FRAS1: variants seen among roughly 807,000 people sequenced by gnomAD.
FRAS1 encodes the protein extracellular matrix organizing protein FRAS1.
A neutral mutation model predicts 435.2 loss-of-function variants in FRAS1; 290 were observed. The ratio of observed to expected loss-of-function variants is 0.67; its 90% CI spans 0.61 to 0.73. The LOEUF (loss-of-function observed/expected upper bound fraction) is 0.73, where lower values mean the gene tolerates loss of function less well. FRAS1 is among the 30% of genes least tolerant of loss of function. The pLI is 0.00. For synonymous variants in FRAS1, 1,800 were observed against 1,851.0 expected (o/e 0.97, Z 0.71); for missense variants, 4,860 against 5,001.5 (o/e 0.97, Z 0.85).
chr4:78,165,304 G>A (rs970484783), intron 2 of FRAS1, among the ~76,000 whole-genome samples: 2 of 152,130 alleles, frequency 1.3e-5, no homozygotes, highest in Non-Finnish European at 2.9e-5. Flanking sequence ...TGAAAAGGTC[G>A]AACGAATTTA....
At chr4:78,361,715 AT>A (rs754353315) in intron 20 of FRAS1, among the ~76,000 whole-genome samples, 21 of 152,148 alleles carry the variant, frequency 1.4e-4, no homozygotes, top group Non-Finnish European at 1.3e-4. Flanking sequence ...ACCAACATGG[AT>A]TTTCTAGAAA....
At chr4:78,270,128 G>T (rs955492605) in intron 9 of FRAS1, among the ~76,000 whole-genome samples, 2 of 152,316 alleles carry the variant, frequency 1.3e-5, no homozygotes, top group Admixed American at 6.5e-5. Context: ...TAATTGGAGT[G>T]AACTCCCCAC....
At chr4:78,244,517 A>G (rs1161616615) in intron 3 of FRAS1, among the ~76,000 whole-genome samples, 1 of 152,104 alleles carries the variant, frequency 6.6e-6, no homozygotes, top group Non-Finnish European at 1.5e-5. Context: ...TTCACTCCAT[A>G]TTTTTAACAA....
chr4:78,241,142 G>A (rs1724986260), intron 3 of FRAS1, among the ~76,000 whole-genome samples: 1 of 152,158 alleles, frequency 6.6e-6, no homozygotes, highest in Non-Finnish European at 1.5e-5. Flanking sequence ...GAGCTTGACT[G>A]AGGGGTGGAA....
chr4:78,468,808 C>T (rs750022527), intron 50 of FRAS1, among the ~76,000 whole-genome samples: 21 of 152,174 alleles, frequency 1.4e-4, no homozygotes, highest in Non-Finnish European at 2.2e-4. Context: ...TTTTAGTGAG[C>T]GGCATATGTA....
At position 78,253,070 on chromosome 4, in the gene FRAS1, C is replaced by T. The variant is rs570827362; in HGVS notation, c.469+519C>T. Among the ~76,000 whole-genome samples the T allele has an allele frequency of 4.1e-4, 63 of 152,296 alleles. No individual in the cohort carries two copies. The South Asian group carries it at 4.8e-3, about 12-fold the overall frequency. ...GGTGTATTTCAGTCCTTATCGCAAC[C>T]ACATAAGACAGAACTCCCAGAGTGG... On this transcript the variant is annotated intron_variant, in intron 5 of 73. Coordinates refer to ENST00000512123, the MANE Select transcript of FRAS1 (RefSeq NM_025074.7).
rs890577544 is a variant in FRAS1 at position 78,472,228 on chromosome 4, A to G, written c.7420A>G (p.Thr2474Ala). 1 of 1,613,972 alleles carries G rather than the reference A, an allele frequency of 6.2e-7. No homozygotes were observed. Reference sequence around the variant, plus strand: ...GGAACTGCTGACCATGGACCCAGACACCGAGGACGCGCAGCTTGTCTATGA... The same window carrying G: ...GGAACTGCTGACCATGGACCCAGACGCCGAGGACGCGCAGCTTGTCTATGA... ...KKELLTMDPD[T>A]EDAQLVYEIT... The change falls in exon 52 of 74, where the codon ACC becomes GCC. Residue 2474 changes from threonine (T) to alanine (A), a missense_variant. Coordinates refer to ENST00000512123, the MANE Select transcript of FRAS1 (RefSeq NM_025074.7).
chr4:78,317,631 A>G, intron 17 of FRAS1, 123 bp downstream of exon 17: 1 of 871,258 alleles, frequency 1.1e-6, no homozygotes, highest in South Asian at 1.9e-5. Flanking sequence ...GGCTATCCAT[A>G]CATTATATGC....
In FRAS1 at chr4:78,432,378, A is replaced by T; in HGVS notation, c.4991A>T (p.Asp1664Val). The change falls in exon 38 of 74, where the codon GAT (aspartate) becomes GTT (valine). Residue 1664 changes from aspartate (D) to valine (V), a missense_variant. Transcript: ENST00000512123. ...MATGDTFTYE[D>V]VEKNALQYIH... ...GAAGGTGACACTTTCACCTATGAGG[A>T]TGTTGAGAAAAATGCTCTACAGTAT... The T allele has an allele frequency of 6.2e-7, 1 of 1,602,674 alleles. No individual in the cohort carries two copies. The highest frequency in any genetic ancestry group is 8.5e-7 in the Non-Finnish European group (1 of 1,173,914).
At chr4:78,421,533 T>A (rs1733788998) in intron 33 of FRAS1, among the ~76,000 whole-genome samples, 1 of 152,180 alleles carries the variant, frequency 6.6e-6, no homozygotes, top group Admixed American at 6.5e-5. Context: ...CCCAGCCCAC[T>A]GACTCAAATA....
intron 20 of FRAS1, among the ~76,000 whole-genome samples, chr4:78,339,179 A>C (rs1441945853): frequency 1.3e-5 from 2 of 152,202 alleles, no homozygotes; most frequent in Non-Finnish European, 2.9e-5. Flanking sequence ...CTGAAAGAGA[A>C]TCTGGGGATG....
intron 2 of FRAS1, among the ~76,000 whole-genome samples, chr4:78,234,049 G>C (rs979923184): frequency 2.0e-5 from 3 of 152,196 alleles, no homozygotes; most frequent in African/African-American, 4.8e-5. Context: ...CCTGCTCCCA[G>C]AGTGGGGAGC....
chr4:78,400,604 C>A (rs1472335536), intron 29 of FRAS1, 130 bp from the exon 30 acceptor site: 3 of 800,530 alleles, frequency 3.7e-6, no homozygotes, highest in African/African-American at 3.8e-5. Context: ...TAGAGTGACT[C>A]TGAAGCTGTG....
At chr4:78,122,121 TC>T (rs572105991) in intron 2 of FRAS1, among the ~76,000 whole-genome samples, 131 of 152,132 alleles carry the variant, frequency 8.6e-4, no homozygotes, top group African/African-American at 3.1e-3. Flanking sequence ...ATGTTATCTA[TC>T]CCCTAGCCCC....
rs115287125 is a variant in FRAS1 at position 78,526,048 on chromosome 4, G to A, written c.10809-493G>A. Among the ~76,000 whole-genome samples, 1,441 of 152,288 alleles carry A rather than the reference G, an allele frequency of 9.5e-3. 18 individuals are homozygous for A. The highest frequency in any genetic ancestry group is 0.033 in the African/African-American group (1,370 of 41,552). ...GTGCTGCTTCCATATGCTCTGGAGTGGTGTCCTGGAATCCTGAGGCATTTG... is the reference window on the plus strand; with the variant it reads ...GTGCTGCTTCCATATGCTCTGGAGTAGTGTCCTGGAATCCTGAGGCATTTG... On this transcript the variant is annotated intron_variant, in intron 69 of 73. Coordinates refer to ENST00000512123, the MANE Select transcript of FRAS1 (RefSeq NM_025074.7).
At chr4:78,358,291 T>C (rs1730939380) in intron 20 of FRAS1, among the ~76,000 whole-genome samples, 3 of 152,210 alleles carry the variant, frequency 2.0e-5, no homozygotes, top group African/African-American at 7.2e-5. Flanking sequence ...CCAACCAAAT[T>C]AGCCAAGGTT....
intron 29 of FRAS1, among the ~76,000 whole-genome samples, chr4:78,393,720 C>T (rs1432625159): frequency 2.0e-5 from 3 of 152,028 alleles, no homozygotes; most frequent in South Asian, 2.1e-4. Flanking sequence ...CTACAATGAA[C>T]GTGGAAGTGC....
At chr4:78,307,977 T>G in intron 14 of FRAS1, 89 bp from the exon 15 acceptor site, 1 of 1,333,306 alleles carries the variant, frequency 7.5e-7, no homozygotes, top group East Asian at 2.5e-5. Context: ...ACTGACATCC[T>G]CCTTGTGTAT....
At position 78,337,831 on chromosome 4, in the gene FRAS1, C is replaced by CT. The variant is rs1730235799; in HGVS notation, c.2422+15dup. 11 of 1,613,648 alleles carry CT rather than the reference C, an allele frequency of 6.8e-6. No homozygotes were observed. Among genetic ancestry groups the CT allele is most frequent in the Non-Finnish European group, 9.3e-6 (11 of 1,179,750 alleles). ...GATACTGTGCTGGTGAGTGAAACTC[C>CT]TGTGGACTCCTCGGAAATCACTGGG... is the stretch of plus-strand genomic sequence containing the variant. On this transcript the variant is annotated intron_variant, in intron 20 of 73. Coordinates refer to ENST00000512123, the MANE Select transcript of FRAS1 (RefSeq NM_025074.7).
Sources: gnomAD v4.1 joint callset for allele counts (sites outside exome capture counted in the v4.1 genomes callset) on GRCh38, gnomAD v4.1.1 for gene constraint, MANE v1.5 for transcripts, NCBI Gene and HGNC (gene_info 2026-07-23, HGNC 2026-07-21) for gene names.